Variants in EXOC4 observed in about 807,000 individuals in gnomAD.
EXOC4 encodes SEC8-like 1.
A neutral mutation model predicts 107.2 loss-of-function variants in EXOC4; 71 were observed. That is an observed-to-expected ratio of 0.66 (90% confidence interval 0.55 to 0.81). The LOEUF (loss-of-function observed/expected upper bound fraction) is 0.81, where lower values mean the gene tolerates loss of function less well. EXOC4 is among the 30% of genes least tolerant of loss of function. The pLI, the probability that EXOC4 is intolerant of heterozygous loss-of-function variation, is 0.00. For synonymous variants in EXOC4, 456 were observed against 441.2 expected (o/e 1.03, Z -0.42); for missense variants, 1,108 against 1,189.6 (o/e 0.93, Z 1.01).
chr7:134,073,227 A>AAAG, the EXOC4 span, among the ~76,000 whole-genome samples: 1 of 18,114 alleles, frequency 5.5e-5, no homozygotes, highest in African/African-American at 2.8e-4. Context: ...AAAAAAAAAA[A>AAAG]AAAAACAACA....
intron 10 of EXOC4, among the ~76,000 whole-genome samples, chr7:133,635,740 A>C (rs143440830): frequency 6.6e-6 from 1 of 152,150 alleles, no homozygotes. Context: ...TAGCTAGGAC[A>C]TGACTCAGGA....
intron 11 of EXOC4, among the ~76,000 whole-genome samples, chr7:133,855,379 T>G (rs1798353552): frequency 6.6e-6 from 1 of 151,742 alleles, no homozygotes; most frequent in African/African-American, 2.4e-5. Flanking sequence ...GTCAGATTTC[T>G]TCTATCGAGA....
chr7:133,767,444 C>CACACACACAT (rs1448306064), intron 10 of EXOC4, among the ~76,000 whole-genome samples: 2 of 151,896 alleles, frequency 1.3e-5, no homozygotes, highest in Admixed American at 6.6e-5. Flanking sequence ...TTTATATACA[C>CACACACACAT]ACACACACAT....
intron 17 of EXOC4, among the ~76,000 whole-genome samples, chr7:134,015,605 G>A (rs914636224): frequency 2.0e-5 from 3 of 152,188 alleles, no homozygotes; most frequent in South Asian, 2.1e-4. Flanking sequence ...GGCTAGGCAC[G>A]GTGGCTCACA....
intron 5 of EXOC4, among the ~76,000 whole-genome samples, chr7:133,334,005 A>G (rs561267995): frequency 1.7e-4 from 26 of 152,322 alleles, no homozygotes; most frequent in African/African-American, 6.0e-4. Context: ...AAATCCAGTT[A>G]CTTAGGTTAG....
At chr7:133,344,555 C>A (rs1009331789) in intron 5 of EXOC4, among the ~76,000 whole-genome samples, 5 of 152,102 alleles carry the variant, frequency 3.3e-5, no homozygotes, top group Admixed American at 3.3e-4. Flanking sequence ...GGTAGGATTC[C>A]AAATTTTCCC....
chr7:133,663,945 C>G (rs1793754282), intron 10 of EXOC4, among the ~76,000 whole-genome samples: 12 of 152,152 alleles, frequency 7.9e-5, no homozygotes, highest in Admixed American at 7.9e-4. Flanking sequence ...CCTAAATAAT[C>G]TGCCCCTACT....
At chr7:134,092,696 A>T in the EXOC4 span, among the ~76,000 whole-genome samples, 1 of 152,102 alleles carries the variant, frequency 6.6e-6, no homozygotes, top group Non-Finnish European at 1.5e-5. Flanking sequence ...GCCTTACAAG[A>T]GATCGTGAAG....
chr7:133,794,785 A>G (rs1185885911), intron 10 of EXOC4, among the ~76,000 whole-genome samples: 1 of 151,844 alleles, frequency 6.6e-6, no homozygotes, highest in Non-Finnish European at 1.5e-5. Context: ...CACAATGGAT[A>G]GTTGTCTTTT....
chr7:133,302,579 G>C (rs145523395), intron 3 of EXOC4, among the ~76,000 whole-genome samples: 10 of 152,158 alleles, frequency 6.6e-5, no homozygotes, highest in Non-Finnish European at 8.8e-5. Flanking sequence ...ACATGAATGC[G>C]TGGTGTTTGA....
intron 9 of EXOC4, among the ~76,000 whole-genome samples, chr7:133,506,035 A>G (rs1379624718): frequency 6.6e-6 from 1 of 152,170 alleles, no homozygotes; most frequent in East Asian, 1.9e-4. Flanking sequence ...CTTCAACTAG[A>G]GTTTTTTAAA....
chr7:133,586,585 T>C (rs1232854970), intron 9 of EXOC4, among the ~76,000 whole-genome samples: 1 of 152,214 alleles, frequency 6.6e-6, no homozygotes, highest in Non-Finnish European at 1.5e-5. Context: ...TGACCATACA[T>C]GTGCATGTAT....
chr7:134,087,751 A>T, the EXOC4 span, among the ~76,000 whole-genome samples: 1 of 152,198 alleles, frequency 6.6e-6, no homozygotes, highest in Non-Finnish European at 1.5e-5. Flanking sequence ...TAAACAACTG[A>T]TGAGACTAGA....
rs113745475 is a variant in EXOC4, at chr7:133,736,088, CA to C, written c.1515-81226del. On this transcript the variant is annotated intron_variant, in intron 10 of 17. Coordinates refer to ENST00000253861, the MANE Select transcript of EXOC4 (RefSeq NM_021807.4). ...TGGGTGACAGAGGGAGACCCTGTCTCAAAAAAAAAAAGATATTTATTTTCTC... is the reference window on the plus strand; with the variant it reads ...TGGGTGACAGAGGGAGACCCTGTCTCAAAAAAAAAAGATATTTATTTTCTC... 1.2e-3 allele frequency among the ~76,000 whole-genome samples: 176 copies of C among 142,684 alleles called. No homozygotes were observed. In the Middle Eastern group the frequency reaches 0.014, roughly 12 times the overall value. 93.6% of individuals were successfully genotyped at this position (142,684 alleles called of 152,430 possible). A position where few individuals can be genotyped will look rare whatever the true frequency, so the allele number is the denominator to read the frequency against.
intron 7 of EXOC4, among the ~76,000 whole-genome samples, chr7:133,441,645 G>A (rs1336450437): frequency 6.6e-6 from 1 of 152,048 alleles, no homozygotes; most frequent in Non-Finnish European, 1.5e-5. Context: ...CACCCACCTC[G>A]GCCTCCCAAA....
At chr7:133,692,081 A>T in intron 10 of EXOC4, among the ~76,000 whole-genome samples, 1 of 152,156 alleles carries the variant, frequency 6.6e-6, no homozygotes, top group East Asian at 1.9e-4. Flanking sequence ...ACCTATGCAT[A>T]AATAGTGAGG....
chr7:134,016,254 A>G (rs1435657154), intron 17 of EXOC4, among the ~76,000 whole-genome samples: 1 of 152,170 alleles, frequency 6.6e-6, no homozygotes, highest in African/African-American at 2.4e-5. Context: ...GAGTGAACAA[A>G]CAGATATGGG....
At chr7:133,937,228 G>A (rs1038878926) in intron 13 of EXOC4, among the ~76,000 whole-genome samples, 8 of 152,104 alleles carry the variant, frequency 5.3e-5, no homozygotes, top group East Asian at 1.9e-4. Flanking sequence ...TGGGCTCTGC[G>A]TGAAACCCAC....
rs548977557 is a variant in EXOC4, at chr7:133,385,746, G to A, written c.1182+10744G>A. Among the ~76,000 whole-genome samples, 775 of 152,268 alleles carry A rather than the reference G, an allele frequency of 5.1e-3. 4 individuals carry two copies. Among genetic ancestry groups the A allele is most frequent in the Middle Eastern group, 0.017 (5 of 294 alleles). ...CACCAAAGAGTCAAATATGGAAGTC[G>A]GCTTGCCCTAGCTTTCTTTTGCAAT... On this transcript the variant is annotated intron_variant, in intron 7 of 17. Coordinates refer to ENST00000253861, the MANE Select transcript of EXOC4 (RefSeq NM_021807.4).
Sources: allele counts gnomAD v4.1 joint callset (sites outside exome capture counted in the v4.1 genomes callset), GRCh38; gene constraint gnomAD v4.1.1; transcripts MANE v1.5; gene names NCBI Gene and HGNC (gene_info 2026-07-23, HGNC 2026-07-21).